MYO1E: variants seen among roughly 807,000 people sequenced by gnomAD.
MYO1E encodes the protein unconventional myosin-Ie.
A neutral mutation model predicts 151.1 loss-of-function variants in MYO1E; 68 were observed. The ratio of observed to expected loss-of-function variants is 0.45; its 90% CI spans 0.37 to 0.55. MYO1E has a LOEUF of 0.55. Among genes scored for constraint, MYO1E ranks in the 20% least tolerant of loss-of-function variants. MYO1E has a pLI of 0.00. For missense variants in MYO1E, 1,363 were observed against 1,389.3 expected (o/e 0.98, Z 0.30); for synonymous variants, 601 against 501.7 (o/e 1.20, Z -2.64).
Position 59,174,163 on chromosome 15 carries a change from G to A in MYO1E, c.2127C>T (p.Phe709=), listed in dbSNP as rs373154091. 48 of 1,613,816 alleles carry A rather than the reference G, an allele frequency of 3.0e-5. No individual in the cohort carries two copies. Among genetic ancestry groups the A allele is most frequent in the Middle Eastern group, 3.3e-4 (2 of 6,084 alleles). The change falls in exon 20 of 28, where the codon TTC becomes TTT. Residue 709 remains phenylalanine, a synonymous_variant. Coordinates refer to ENST00000288235, the MANE Select transcript of MYO1E (RefSeq NM_004998.4). ...TTTGAACGTATTTCTTCCGGGCCAC[G>A]AATTTCCTCCATGATTTCTGTATCA... ...ARVIQKSWRK[F]VARKKYVQMR... is the part of the protein sequence containing the mutation.
Position 59,205,206 on chromosome 15 carries a change from C to T in MYO1E, c.1616+194G>A, listed in dbSNP as rs141283823. ...GTTCCTATGTTGCCTGGCTGGAGGGCAGTGGCTATTGACAGGAGTGATCAC... is the reference window on the plus strand; with the variant it reads ...GTTCCTATGTTGCCTGGCTGGAGGGTAGTGGCTATTGACAGGAGTGATCAC... On this transcript the variant is annotated intron_variant, in intron 15 of 27. Transcript: ENST00000288235. Among the ~76,000 whole-genome samples, 313 of 152,180 alleles carry T rather than the reference C, an allele frequency of 2.1e-3. 4 individuals are homozygous for T. Among genetic ancestry groups the T allele is most frequent in the African/African-American group, 7.2e-3 (297 of 41,518 alleles).
chr15:59,151,058 C>CGT (rs1566964892), intron 26 of MYO1E, among the ~76,000 whole-genome samples: 86 of 145,946 alleles, frequency 5.9e-4, no homozygotes, highest in African/African-American at 1.2e-3. Context: ...CACGCGCGCG[C>CGT]GCGCACGTGC....
intron 22 of MYO1E, chr15:59,171,400 A>G (rs1400388533): frequency 3.8e-5 from 7 of 182,186 alleles, no homozygotes; most frequent in African/African-American, 4.8e-5. Context: ...TGAGAATTGG[A>G]GCGAAGAGAG....
In MYO1E at chr15:59,173,806, C is replaced by T. The variant is rs1459899372; in HGVS notation, c.2274G>A (p.Val758=). 6.2e-7 allele frequency: 1 copy of T among 1,614,042 alleles called. No homozygotes were observed. The highest frequency in any genetic ancestry group is 1.3e-5 in the African/African-American group (1 of 75,032). The part of the protein sequence containing the change: ...MEEHPELQQF[V]GKREKIDFAD... ...CGAAATCAATCTTCTCCCTCTTGCC[C>T]ACGAACTGCTGGAGTTCTGGGTGCT... The change falls in exon 21 of 28, where the codon GTG becomes GTA. Residue 758 remains valine (V), a synonymous_variant. Coordinates refer to ENST00000288235, the MANE Select transcript of MYO1E (RefSeq NM_004998.4).
intron 17 of MYO1E, 33 bp downstream of exon 17, chr15:59,195,428 C>G (rs370228528): frequency 8.3e-6 from 13 of 1,564,698 alleles, no homozygotes; most frequent in Non-Finnish European, 1.1e-5. Context: ...GGAAAAAGGT[C>G]CCGGCCCCAC....
At chr15:59,218,186 T>C in intron 9 of MYO1E, 99 bp from the exon 10 acceptor site, 4 of 1,399,786 alleles carry the variant, frequency 2.9e-6, no homozygotes, top group Non-Finnish European at 3.0e-6. Flanking sequence ...CATGCACGTG[T>C]GTGTGCATAG....
Position 59,178,456 on chromosome 15 carries a change from G to C in MYO1E, c.1986C>G (p.Val662=). 2 of 1,614,212 alleles carry C rather than the reference G, an allele frequency of 1.2e-6. No homozygotes were observed. Among genetic ancestry groups the C allele is most frequent in the South Asian group, 1.1e-5 (1 of 91,074 alleles). The part of the protein sequence containing the change: ...KQGVLHLLQS[V]NMDSDQFQLG... ...GCTGGAACTGGTCGCTGTCCATGTT[G>C]ACCGACTGCAGCAGGTGCAGGACGC... The change falls in exon 19 of 28, where the codon GTC becomes GTG. Residue 662 remains valine, a synonymous_variant. Coordinates refer to ENST00000288235, the MANE Select transcript of MYO1E (RefSeq NM_004998.4).
Position 59,190,923 on chromosome 15 carries a change from G to C in MYO1E, c.1806-2707C>G, listed in dbSNP as rs148248836. ...GCGAGTTGAATCCATGAGGTATACA[G>C]GACAAGGCAGAGGGCTGTGAAAGCA... is the stretch of plus-strand genomic sequence containing the variant. On this transcript the variant is annotated intron_variant, in intron 17 of 27. Coordinates refer to ENST00000288235, the MANE Select transcript of MYO1E (RefSeq NM_004998.4). Among the ~76,000 whole-genome samples, 397 of 152,214 alleles carry C rather than the reference G, an allele frequency of 2.6e-3. 3 individuals carry two copies. Among genetic ancestry groups the C allele is most frequent in the African/African-American group, 9.0e-3 (374 of 41,538 alleles).
rs368441980 is a variant in MYO1E at position 59,342,673 on chromosome 15, T to C, written c.3+29825A>G. On this transcript the variant is annotated intron_variant, in intron 1 of 27. Coordinates refer to ENST00000288235, the MANE Select transcript of MYO1E (RefSeq NM_004998.4). ...CACTTTGTTATTTGTTGTCTGGTTG[T>C]TTTGTGGTCTTCTCTTCCTTCTGTC... is the stretch of plus-strand genomic sequence containing the variant. Among the ~76,000 whole-genome samples, 63 of 152,332 alleles carry C rather than the reference T, an allele frequency of 4.1e-4. No individual in the cohort carries two copies. The East Asian group carries it at 9.8e-3, about 24-fold the overall frequency.
At chr15:59,179,454 G>A (rs147541389) in intron 18 of MYO1E, among the ~76,000 whole-genome samples, 9 of 152,226 alleles carry the variant, frequency 5.9e-5, no homozygotes, top group South Asian at 2.1e-4. Context: ...GCCTTAAACC[G>A]TGCCTGGCAC....
intron 1 of MYO1E, among the ~76,000 whole-genome samples, chr15:59,337,236 A>G (rs1193033579): frequency 6.6e-6 from 1 of 152,222 alleles, no homozygotes; most frequent in Non-Finnish European, 1.5e-5. Flanking sequence ...CCAGGGCTCC[A>G]CACTCTAAAT....
chr15:59,367,453 G>A (rs543259285), intron 1 of MYO1E, among the ~76,000 whole-genome samples: 1 of 152,306 alleles, frequency 6.6e-6, no homozygotes, highest in Admixed American at 6.5e-5. Flanking sequence ...GAGTTGAAGG[G>A]TTGAAGAGAA....
chr15:59,317,993 C>A (rs77962132), intron 1 of MYO1E, among the ~76,000 whole-genome samples: 3 of 152,132 alleles, frequency 2.0e-5, no homozygotes, highest in African/African-American at 7.2e-5. Flanking sequence ...AGAATTCAAA[C>A]GCATTCAGCC....
chr15:59,297,748 T>G (rs1259515229), intron 1 of MYO1E, among the ~76,000 whole-genome samples: 1 of 151,858 alleles, frequency 6.6e-6, no homozygotes, highest in Non-Finnish European at 1.5e-5. Flanking sequence ...GCTTGGCTAA[T>G]TTTTTTGAAT....
intron 1 of MYO1E, among the ~76,000 whole-genome samples, chr15:59,305,185 AATTT>A (rs2080507512): frequency 6.6e-6 from 1 of 152,078 alleles, no homozygotes; most frequent in Admixed American, 6.6e-5. Context: ...ATCATTCCAC[AATTT>A]ATTTATTATT....
rs185430684 is a variant in MYO1E, at chr15:59,144,910, C to A, written c.3081-6543G>T. On this transcript the variant is annotated intron_variant, in intron 26 of 27. Transcript: ENST00000288235. ...CCAGGCTGGAGTGCAATGGTACGAT[C>A]TCGGCTCACCGCAACCTCCACCTCC... 5.4e-3 allele frequency among the ~76,000 whole-genome samples: 820 copies of A among 152,314 alleles called. 7 individuals are homozygous for A. Among genetic ancestry groups the A allele is most frequent in the African/African-American group, 0.019 (781 of 41,568 alleles).
chr15:59,238,698 A>G (rs775247058), intron 4 of MYO1E, among the ~76,000 whole-genome samples: 2 of 151,942 alleles, frequency 1.3e-5, no homozygotes, highest in African/African-American at 4.8e-5. Context: ...CAGCCTCCCA[A>G]GTATCTGGGA....
At chr15:59,173,708 C>T in intron 21 of MYO1E, 38 bp downstream of exon 21, 1 of 1,608,038 alleles carries the variant, frequency 6.2e-7, no homozygotes, top group Middle Eastern at 1.7e-4. Context: ...AATAAGGAAT[C>T]TGTTTGGTGA....
chr15:59,221,477 C>G (rs1364249251), intron 9 of MYO1E, among the ~76,000 whole-genome samples: 2 of 152,132 alleles, frequency 1.3e-5, no homozygotes, highest in Admixed American at 6.5e-5. Context: ...ACGAGGGGAA[C>G]AAGTGGACTA....
Sources: allele counts gnomAD v4.1 joint callset (sites outside exome capture counted in the v4.1 genomes callset), GRCh38; gene constraint gnomAD v4.1.1; transcripts MANE v1.5; gene names NCBI Gene and HGNC (gene_info 2026-07-23, HGNC 2026-07-21).